TMEM117: variants seen among roughly 807,000 people sequenced by gnomAD.
TMEM117 encodes transmembrane protein 117.
In TMEM117, 27 loss-of-function variants were observed where a neutral mutation model predicts 52.4. That is an observed-to-expected ratio of 0.51 (90% CI 0.38 to 0.71). The LOEUF is 0.71. TMEM117 is among the 30% of genes least tolerant of loss of function. The pLI is 0.00. For synonymous variants in TMEM117, 215 were observed against 206.3 expected (o/e 1.04, Z -0.36); for missense variants, 556 against 630.5 (o/e 0.88, Z 1.26).
At chr12:44,089,599 ACTCT>A (rs982586583) in intron 3 of TMEM117, among the ~76,000 whole-genome samples, 2 of 151,634 alleles carry the variant, frequency 1.3e-5, no homozygotes, top group African/African-American at 4.8e-5. Context: ...TGCTCATGTG[ACTCT>A]CTCAGCGTAA....
intron 2 of TMEM117, among the ~76,000 whole-genome samples, chr12:43,911,940 G>T (rs1421567482): frequency 7.6e-6 from 1 of 131,056 alleles, no homozygotes; most frequent in East Asian, 2.4e-4. Context: ...TCAGTGTGGC[G>T]ATTCCTCAGG....
chr12:44,284,216 G>T (rs1950611121), intron 5 of TMEM117, among the ~76,000 whole-genome samples: 1 of 152,094 alleles, frequency 6.6e-6, no homozygotes, highest in Non-Finnish European at 1.5e-5. Context: ...GGAGGCTGAG[G>T]CAGGAGACTT....
chr12:44,293,859 G>T (rs1407903300), intron 5 of TMEM117, among the ~76,000 whole-genome samples: 2 of 151,982 alleles, frequency 1.3e-5, no homozygotes, highest in African/African-American at 2.4e-5. Flanking sequence ...ACAATATTCT[G>T]AACTTGACTA....
At chr12:44,182,048 T>G (rs890781128) in intron 4 of TMEM117, among the ~76,000 whole-genome samples, 1 of 152,070 alleles carries the variant, frequency 6.6e-6, no homozygotes, top group Non-Finnish European at 1.5e-5. Context: ...GGTTTGTAGT[T>G]CTCCTTGAAG....
chr12:44,393,009 A>G (rs972658850), downstream of TMEM117, among the ~76,000 whole-genome samples: 12 of 152,124 alleles, frequency 7.9e-5, no homozygotes, highest in African/African-American at 2.7e-4. Flanking sequence ...GTAAATGAAA[A>G]TATCTTCCAG....
Position 44,317,284 on chromosome 12 carries a change from T to TTATATA in TMEM117, c.768+17555_768+17560dup, listed in dbSNP as rs539649274. Among the ~76,000 whole-genome samples, 207 of 147,018 alleles carry TTATATA rather than the reference T, an allele frequency of 1.4e-3. 1 individual carries two copies. Among genetic ancestry groups the TTATATA allele is most frequent in the Middle Eastern group, 0.014 (4 of 288 alleles). ...TAGGATTTTCCCCTTTCTTTCCCTA[T>TTATATA]TATATATATATATATGTTTTTTTTT... On this transcript the variant is annotated intron_variant, in intron 6 of 7. Coordinates refer to ENST00000266534, the MANE Select transcript of TMEM117 (RefSeq NM_032256.3).
At chr12:44,311,771 ATATATGTGTATATATGTATATATATG>A in intron 6 of TMEM117, among the ~76,000 whole-genome samples, 1 of 125,244 alleles carries the variant, frequency 8.0e-6, no homozygotes, top group Non-Finnish European at 1.6e-5. Context: ...ATATATATGT[ATATATGTGTATATATGTATATATATG>A]TATATATGTA....
At chr12:43,948,581 ATTC>A (rs2137627994) in intron 3 of TMEM117, among the ~76,000 whole-genome samples, 1 of 152,290 alleles carries the variant, frequency 6.6e-6, no homozygotes, top group East Asian at 1.9e-4. Context: ...AACCTCCTTT[ATTC>A]TTTAAGTCAC....
At chr12:44,274,258 G>T (rs894447903) in intron 5 of TMEM117, among the ~76,000 whole-genome samples, 7 of 152,036 alleles carry the variant, frequency 4.6e-5, no homozygotes, top group South Asian at 4.2e-4. Context: ...AGAAGTGAAA[G>T]AACTTAGTAA....
At chr12:44,332,168 A>C (rs935124585) in intron 6 of TMEM117, among the ~76,000 whole-genome samples, 1 of 152,040 alleles carries the variant, frequency 6.6e-6, no homozygotes. Flanking sequence ...GGCTATATTT[A>C]ACCTCTCTGG....
chr12:44,275,588 A>G (rs890633058), intron 5 of TMEM117, among the ~76,000 whole-genome samples: 1 of 152,164 alleles, frequency 6.6e-6, no homozygotes, highest in African/African-American at 2.4e-5. Context: ...AATGTGGTAC[A>G]TATATATAAT....
At chr12:44,104,931 G>A (rs538917320) in intron 3 of TMEM117, among the ~76,000 whole-genome samples, 2 of 151,862 alleles carry the variant, frequency 1.3e-5, no homozygotes, top group Non-Finnish European at 2.9e-5. Context: ...TCTATAGTTT[G>A]AATATGATAT....
At chr12:44,285,238 C>A (rs976756014) in intron 5 of TMEM117, among the ~76,000 whole-genome samples, 1 of 152,142 alleles carries the variant, frequency 6.6e-6, no homozygotes, top group Non-Finnish European at 1.5e-5. Context: ...TTTGTTTACA[C>A]TTTTGAGGTG....
chr12:44,271,162 T>A (rs1052224426), intron 5 of TMEM117, among the ~76,000 whole-genome samples: 4 of 152,120 alleles, frequency 2.6e-5, no homozygotes, highest in African/African-American at 9.6e-5. Context: ...GGTTTTGGTA[T>A]TAAGATGATA....
intron 7 of TMEM117, among the ~76,000 whole-genome samples, chr12:44,379,709 A>G (rs557716873): frequency 6.6e-6 from 1 of 152,344 alleles, no homozygotes; most frequent in Admixed American, 6.5e-5. Context: ...ATACTGTGCT[A>G]CATGCTGCAT....
the TMEM117 span, among the ~76,000 whole-genome samples, chr12:43,801,185 T>C: frequency 1.3e-5 from 2 of 152,228 alleles, no homozygotes; most frequent in Non-Finnish European, 2.9e-5. Context: ...TTCTCAAAGC[T>C]GTATCAAAGA....
At chr12:44,117,353 T>TC (rs199880401) in intron 3 of TMEM117, among the ~76,000 whole-genome samples, 4 of 152,104 alleles carry the variant, frequency 2.6e-5, no homozygotes, top group African/African-American at 9.7e-5. Context: ...TGTTTTTTTT[T>TC]CTTTAATTGT....
intron 5 of TMEM117, among the ~76,000 whole-genome samples, chr12:44,217,491 G>C (rs1162107270): frequency 2.0e-5 from 3 of 152,174 alleles, no homozygotes; most frequent in Non-Finnish European, 4.4e-5. Flanking sequence ...TTCCCCTGCT[G>C]TCCAGAGCTC....
At chr12:43,843,693 A>G (rs1315345030) in intron 1 of TMEM117, among the ~76,000 whole-genome samples, 1 of 152,008 alleles carries the variant, frequency 6.6e-6, no homozygotes, top group Non-Finnish European at 1.5e-5. Context: ...TAATCCTCCA[A>G]CCTTAAACTT....
Sources: allele counts gnomAD v4.1 joint callset (sites outside exome capture counted in the v4.1 genomes callset), GRCh38; gene constraint gnomAD v4.1.1; transcripts MANE v1.5; gene names NCBI Gene and HGNC (gene_info 2026-07-23, HGNC 2026-07-21).